PCDHA2: variants seen among roughly 807,000 people sequenced by gnomAD.
PCDHA2 encodes the protein protocadherin alpha-2.
A neutral mutation model predicts 66.0 loss-of-function variants in PCDHA2; 58 were observed. The observed-to-expected ratio is 0.88, with a 90% CI of 0.71 to 1.09. The LOEUF is 1.09. PCDHA2 is among the 50% of genes least tolerant of loss of function. The probability of loss-of-function intolerance (pLI) is 0.00; values close to 1 mark genes in which losing one functional copy is unlikely to be tolerated. For synonymous variants in PCDHA2, 634 were observed against 554.0 expected (o/e 1.14, Z -2.03); for missense variants, 1,267 against 1,242.3 (o/e 1.02, Z -0.30).
At chr5:140,828,653 G>C in intron 1 of PCDHA2, 1 of 1,614,156 alleles carries the variant, frequency 6.2e-7, no homozygotes, top group Non-Finnish European at 8.5e-7. Context: ...AAACAGTGAT[G>C]ACAATAAACA....
intron 1 of PCDHA2, chr5:140,836,636 C>A (rs2150266431): frequency 5.6e-6 from 9 of 1,613,404 alleles, no homozygotes; most frequent in Admixed American, 3.3e-5. Context: ...GGTCATTCTC[C>A]CAGCAGAGGC....
intron 1 of PCDHA2, chr5:140,927,896 A>T: frequency 1.2e-6 from 2 of 1,614,200 alleles, no homozygotes; most frequent in Non-Finnish European, 1.7e-6. Flanking sequence ...GACGTGAACG[A>T]TCATGCCCCC....
chr5:140,926,698 C>G, intron 1 of PCDHA2: 2 of 787,702 alleles, frequency 2.5e-6, no homozygotes, highest in Non-Finnish European at 3.6e-6. Context: ...AAGCCCGGCT[C>G]CCAGCTGGCC....
intron 1 of PCDHA2, among the ~76,000 whole-genome samples, chr5:140,949,245 A>G (rs782212374): frequency 2.4e-4 from 37 of 151,798 alleles, no homozygotes; most frequent in Non-Finnish European, 4.3e-4. Context: ...GCAACAGTCT[A>G]TCTTGATGAA....
chr5:140,887,523 A>G (rs2061479096), intron 1 of PCDHA2, among the ~76,000 whole-genome samples: 1 of 152,078 alleles, frequency 6.6e-6, no homozygotes, highest in Non-Finnish European at 1.5e-5. Flanking sequence ...TTTATATATG[A>G]GTCTTCCTCT....
At chr5:140,858,366 G>A (rs2045372675) in intron 1 of PCDHA2, 1 of 1,590,834 alleles carries the variant, frequency 6.3e-7, no homozygotes, top group Admixed American at 1.7e-5. Flanking sequence ...TTCAGCCCCA[G>A]CCTTCCACCA....
At chr5:140,830,622 CTTATT>C in intron 1 of PCDHA2, 1 of 582,670 alleles carries the variant, frequency 1.7e-6, no homozygotes. Flanking sequence ...TATTGTGTTT[CTTATT>C]TTAATCTCTT....
At chr5:140,828,008 A>T (rs1427962519) in intron 1 of PCDHA2, 2 of 1,505,342 alleles carry the variant, frequency 1.3e-6, no homozygotes, top group African/African-American at 2.8e-5. Flanking sequence ...CGCAGAAGAA[A>T]TGGATTAATA....
chr5:140,939,789 A>G (rs1259994967), intron 1 of PCDHA2, among the ~76,000 whole-genome samples: 1 of 152,246 alleles, frequency 6.6e-6, no homozygotes, highest in Non-Finnish European at 1.5e-5. Context: ...GTCAATTTCT[A>G]TAAATGTTCT....
At chr5:141,002,052 G>GGCA (rs1217531547) in intron 3 of PCDHA2, among the ~76,000 whole-genome samples, 1 of 152,206 alleles carries the variant, frequency 6.6e-6, no homozygotes, top group Non-Finnish European at 1.5e-5. Flanking sequence ...GGCATCCAGA[G>GGCA]GCAGCAGCAG....
intron 1 of PCDHA2, chr5:140,883,678 G>A (rs555791080): frequency 3.7e-6 from 6 of 1,613,902 alleles, no homozygotes; most frequent in South Asian, 3.3e-5. Flanking sequence ...ACAATCCGCC[G>A]GGCTGCCACA....
chr5:140,907,864 G>T (rs1033952784), intron 1 of PCDHA2, among the ~76,000 whole-genome samples: 1 of 152,202 alleles, frequency 6.6e-6, no homozygotes, highest in Non-Finnish European at 1.5e-5. Context: ...GAGGCCAGCC[G>T]TTGGTGAGCA....
chr5:140,835,688 G>A (rs2150241964), intron 1 of PCDHA2: 10 of 1,613,804 alleles, frequency 6.2e-6, no homozygotes, highest in Admixed American at 5.0e-5. Flanking sequence ...CGCCTTCTCT[G>A]TGGGCCACTG....
At chr5:140,831,310 A>G (rs1483260174) in intron 1 of PCDHA2, 1 of 152,080 alleles carries the variant, frequency 6.6e-6, no homozygotes, top group East Asian at 1.9e-4. Context: ...ATTTCTTTGT[A>G]TTAGTGTTTT....
At chr5:140,857,661 A>ACTC (rs1554150470) in intron 1 of PCDHA2, 1 of 1,596,582 alleles carries the variant, frequency 6.3e-7, no homozygotes. Flanking sequence ...AGCGCGCGCG[A>ACTC]TGGGGGCGTG....
intron 1 of PCDHA2, chr5:140,834,797 GA>G (rs2150227028): frequency 1.2e-6 from 2 of 1,613,022 alleles, no homozygotes; most frequent in South Asian, 2.2e-5. Flanking sequence ...CGACACAAAG[GA>G]ATCTGTTCAT....
intron 1 of PCDHA2, among the ~76,000 whole-genome samples, chr5:140,971,488 A>AG (rs1338536132): frequency 1.3e-5 from 2 of 152,222 alleles, no homozygotes; most frequent in African/African-American, 4.8e-5. Flanking sequence ...ACATTGTTAC[A>AG]GTGTGGCAAG....
At chr5:140,802,519 T>A (rs370096540) in intron 1 of PCDHA2, 9 of 1,614,040 alleles carry the variant, frequency 5.6e-6, no homozygotes, top group Admixed American at 1.7e-5. Flanking sequence ...ACGGCCAGCG[T>A]GTCCGTGGAG....
At position 140,850,172 on chromosome 5, in the gene PCDHA2, C is replaced by G. The variant is rs756590916; in HGVS notation, c.2388+52820C>G. 10 of 1,594,266 alleles carry G rather than the reference C, an allele frequency of 6.3e-6. 1 individual carries two copies. The highest frequency in any genetic ancestry group is 1.3e-5 in the African/African-American group (1 of 74,338). On this transcript the variant is annotated intron_variant, in intron 1 of 3. Coordinates refer to ENST00000526136, the MANE Select transcript of PCDHA2 (RefSeq NM_018905.3). ...TGCAGGTGTTCGTGCTGGACGAGAA[C>G]GACAATGCGCCGGCGCTGCTGACAC... is the stretch of plus-strand genomic sequence containing the variant.
Sources: allele counts gnomAD v4.1 joint callset (sites outside exome capture counted in the v4.1 genomes callset), GRCh38; gene constraint gnomAD v4.1.1; transcripts MANE v1.5; gene names NCBI Gene and HGNC (gene_info 2026-07-23, HGNC 2026-07-21).